The following SIMC1 variants were observed in gnomAD, a reference collection of about 807,000 sequenced individuals.
The protein encoded by SIMC1 is SUMO interacting motifs containing 1.
In SIMC1, 55 loss-of-function variants were observed where a neutral mutation model predicts 82.3. The observed-to-expected ratio is 0.67, with a 90% CI of 0.54 to 0.84. The LOEUF (loss-of-function observed/expected upper bound fraction) is 0.84. Among genes scored for constraint, SIMC1 ranks in the 40% least tolerant of loss-of-function variants. The pLI is 0.00. For missense variants in SIMC1, 915 were observed against 1,107.2 expected, an observed-to-expected ratio of 0.83 and a Z score of 2.46; for synonymous variants, 353 against 426.3, an observed-to-expected ratio of 0.83 and a Z score of 2.12.
chr5:176,289,775 T>C lies in SIMC1; in HGVS notation c.251T>C (p.Leu84Ser). The C allele has an allele frequency of 6.2e-7, 1 of 1,613,950 alleles. No individual in the cohort carries two copies. The highest frequency in any genetic ancestry group is 8.5e-7 in the Non-Finnish European group (1 of 1,179,878). Reference protein sequence around the residue: ...NRPIATLDLTLEPVTPSQKEP... With the variant: ...NRPIATLDLTSEPVTPSQKEP... ...CCTATTGCCACTCTTGACTTAACTT[T>C]AGAACCTGTCACTCCTTCCCAGAAG... is the stretch of plus-strand genomic sequence containing the variant. The change falls in exon 2 of 10, where the codon TTA becomes TCA. Residue 84 changes from leucine to serine, a missense_variant. This residue lies in a region of SIMC1 where 902 missense variants were observed against 1,040.3 expected (regional missense o/e 0.87). Transcript: ENST00000429602.
chr5:176,339,139 G>A (rs943764836), intron 9 of SIMC1, among the ~76,000 whole-genome samples: 5 of 152,190 alleles, frequency 3.3e-5, no homozygotes, highest in Middle Eastern at 3.4e-3. Context: ...CGAGGCGGGC[G>A]AATCACAAGG....
intron 7 of SIMC1, among the ~76,000 whole-genome samples, chr5:176,335,726 A>G (rs149502172): frequency 9.1e-4 from 138 of 152,228 alleles, no homozygotes; most frequent in African/African-American, 2.8e-3. Flanking sequence ...CACAAAAATT[A>G]GAAGAGAAAA....
At chr5:176,300,870 A>G in intron 4 of SIMC1, among the ~76,000 whole-genome samples, 1 of 152,234 alleles carries the variant, frequency 6.6e-6, no homozygotes, top group Non-Finnish European at 1.5e-5. Context: ...AGTAATTCCT[A>G]GAAACCTACC....
intron 1 of SIMC1, among the ~76,000 whole-genome samples, chr5:176,255,625 A>G (rs1761829043): frequency 1.3e-5 from 2 of 150,196 alleles, no homozygotes; most frequent in East Asian, 1.9e-4. Context: ...TTGACTTTAA[A>G]GAGATGAAAT....
intron 7 of SIMC1, among the ~76,000 whole-genome samples, chr5:176,331,945 GGCA>G (rs1318240554): frequency 2.0e-5 from 3 of 151,864 alleles, no homozygotes; most frequent in Non-Finnish European, 4.4e-5. Context: ...CTCCAGCCTG[GGCA>G]ACAGAGCAAG....
chr5:176,263,915 GC>G (rs1311032196), intron 1 of SIMC1, among the ~76,000 whole-genome samples: 4 of 152,214 alleles, frequency 2.6e-5, no homozygotes, highest in African/African-American at 9.6e-5. Context: ...CAATGATTGT[GC>G]AGGCATAGGG....
At chr5:176,326,763 C>G (rs1430567119) in intron 7 of SIMC1, among the ~76,000 whole-genome samples, 3 of 152,104 alleles carry the variant, frequency 2.0e-5, no homozygotes, top group African/African-American at 7.2e-5. Flanking sequence ...TGGGGTTTCA[C>G]CATGTTAGCC....
rs913083881 is a variant in SIMC1, at chr5:176,303,548, G to A, written c.1734+7228G>A. On this transcript the variant is annotated intron_variant, in intron 4 of 9. Coordinates refer to ENST00000429602, the MANE Select transcript of SIMC1 (RefSeq NM_001308195.2). ...TTGATCAGGCTGGTCTCGAACTCCCGACCTCAGATGATCCGCCCGCCTCGG... is the reference window on the plus strand; with the variant it reads ...TTGATCAGGCTGGTCTCGAACTCCCAACCTCAGATGATCCGCCCGCCTCGG... Among the ~76,000 whole-genome samples the A allele has an allele frequency of 4.6e-5, 7 of 151,814 alleles. No homozygotes were observed. In the South Asian group the frequency reaches 1.0e-3, roughly 23 times the overall value.
chr5:176,260,038 A>G (rs1183708008), intron 1 of SIMC1, among the ~76,000 whole-genome samples: 2 of 149,896 alleles, frequency 1.3e-5, no homozygotes, highest in Non-Finnish European at 3.0e-5. Flanking sequence ...ATATTTTAAA[A>G]TTAAAAAATA....
chr5:176,290,383 C>G lies in SIMC1; in HGVS notation c.859C>G (p.Gln287Glu). The change falls in exon 2 of 10, where the codon CAA becomes GAA. Residue 287 changes from glutamine (Q) to glutamate (E), a missense_variant. Physicochemically the swap from Gln to Glu is conservative, Grantham distance 29. Transcript: ENST00000429602. Reference protein sequence around the residue: ...GPPQDSLGLPQDVPGLPQSIL... With the variant: ...GPPQDSLGLPEDVPGLPQSIL... Reference sequence around the variant, plus strand: ...ACCTCAAGACTCTCTGGGCCTACCTCAAGATGTGCCAGGGCTGCCTCAAAG... The same window carrying G: ...ACCTCAAGACTCTCTGGGCCTACCTGAAGATGTGCCAGGGCTGCCTCAAAG... 1 of 1,613,984 alleles carries G rather than the reference C, an allele frequency of 6.2e-7. No homozygotes were observed. Among genetic ancestry groups the G allele is most frequent in the Non-Finnish European group, 8.5e-7 (1 of 1,179,862 alleles).
intron 3 of SIMC1, among the ~76,000 whole-genome samples, chr5:176,295,708 T>C (rs1290074783): frequency 6.8e-6 from 1 of 147,794 alleles, no homozygotes; most frequent in African/African-American, 2.5e-5. Context: ...CTCAGTTCTG[T>C]TTTGGGGCTG....
intron 1 of SIMC1, among the ~76,000 whole-genome samples, chr5:176,259,907 CAT>C (rs1761960033): frequency 6.6e-6 from 1 of 151,684 alleles, no homozygotes; most frequent in African/African-American, 2.4e-5. Flanking sequence ...TGTGCACAAA[CAT>C]ATTTAAATGT....
intron 1 of SIMC1, among the ~76,000 whole-genome samples, chr5:176,245,938 C>T (rs986138353): frequency 2.0e-5 from 3 of 151,226 alleles, no homozygotes; most frequent in Admixed American, 2.0e-4. Flanking sequence ...TTTGCAGAGC[C>T]TTTTGTGGTA....
At chr5:176,261,721 C>A (rs1762021324) in intron 1 of SIMC1, among the ~76,000 whole-genome samples, 1 of 150,396 alleles carries the variant, frequency 6.6e-6, no homozygotes, top group African/African-American at 2.5e-5. Context: ...GCACTCCAGG[C>A]TGGGTGACAG....
chr5:176,312,729 C>A (rs1764719367), intron 4 of SIMC1, among the ~76,000 whole-genome samples: 1 of 152,102 alleles, frequency 6.6e-6, no homozygotes, highest in Non-Finnish European at 1.5e-5. Flanking sequence ...GAATCATATC[C>A]TGGTCCATTA....
chr5:176,313,524 CATA>C, intron 4 of SIMC1, 164 bp from the exon 5 acceptor site: 1 of 1,551,732 alleles, frequency 6.4e-7, no homozygotes, highest in Non-Finnish European at 8.8e-7. Flanking sequence ...TGTCCTCTCT[CATA>C]ATGACCCAGA....
intron 4 of SIMC1, chr5:176,308,114 ACTTTC>A (rs1320993880): frequency 2.3e-6 from 2 of 869,190 alleles, no homozygotes; most frequent in Non-Finnish European, 3.9e-6. Context: ...AGAGTCTGAC[ACTTTC>A]CTTGTTTGTC....
At chr5:176,331,193 A>T (rs1765644899) in intron 7 of SIMC1, among the ~76,000 whole-genome samples, 1 of 151,802 alleles carries the variant, frequency 6.6e-6, no homozygotes, top group Non-Finnish European at 1.5e-5. Context: ...ACACAGTGAA[A>T]CCCCGTCTCT....
At position 176,336,798 on chromosome 5, in the gene SIMC1, GAC is replaced by G; in HGVS notation, c.2253_2254del (p.Pro752HisfsTer16). The G allele has an allele frequency of 1.2e-6, 2 of 1,614,014 alleles. No homozygotes were observed. The highest frequency in any genetic ancestry group is 1.7e-6 in the Non-Finnish European group (2 of 1,179,888). ...AAATCATATTCCTCCACAGCTGTGA[GAC>G]ACCCACCCGCCTGCCTCTGTCTCTG... ...LEIIFLHSCE[T>X]PTRLPLSLAQ... is the part of the protein sequence containing the mutation. On this transcript the variant is annotated frameshift_variant, in exon 8 of 10. Coordinates refer to ENST00000429602, the MANE Select transcript of SIMC1 (RefSeq NM_001308195.2). LOFTEE classifies it high-confidence loss of function.
Sources: gnomAD v4.1 joint callset for allele counts (sites outside exome capture counted in the v4.1 genomes callset) on GRCh38, gnomAD v4.1.1 for gene constraint, gnomAD v4.1.1 regional missense constraint, MANE v1.5 for transcripts, NCBI Gene and HGNC (gene_info 2026-07-23, HGNC 2026-07-21) for gene names.